The following PDCD6IP variants were observed in gnomAD, a reference collection of about 807,000 sequenced individuals.
The protein encoded by PDCD6IP is programmed cell death 6 interacting protein.
PDCD6IP carries 43 observed loss-of-function variants against 103.7 expected under a neutral mutation model. That is an observed-to-expected ratio of 0.41 (90% CI 0.32 to 0.53). The LOEUF is 0.53. Among genes scored for constraint, PDCD6IP ranks in the 20% least tolerant of loss-of-function variants. PDCD6IP has a pLI of 0.16. For synonymous variants in PDCD6IP, 354 were observed against 378.7 expected (o/e 0.93, Z 0.76); for missense variants, 871 against 1,036.7 (o/e 0.84, Z 2.20).
At chr3:33,862,647 G>A (rs1314901206) in intron 15 of PDCD6IP, among the ~76,000 whole-genome samples, 2 of 152,006 alleles carry the variant, frequency 1.3e-5, no homozygotes, top group Non-Finnish European at 2.9e-5. Context: ...ATATTTCAAC[G>A]CCACATTTCT....
chr3:33,831,015 G>C (rs1008786146), intron 7 of PDCD6IP, among the ~76,000 whole-genome samples: 23 of 152,076 alleles, frequency 1.5e-4, no homozygotes, highest in Non-Finnish European at 2.5e-4. Flanking sequence ...ATCACAATCA[G>C]GAAAATCAAA....
At chr3:33,801,134 T>C (rs936858119) in intron 1 of PDCD6IP, among the ~76,000 whole-genome samples, 2 of 152,220 alleles carry the variant, frequency 1.3e-5, no homozygotes, top group African/African-American at 2.4e-5. Context: ...CTTGGAGATA[T>C]TACTAAAGTT....
Position 33,866,342 on chromosome 3 carries a change from T to TCC in PDCD6IP, c.2433-9_2433-8insCC. On this transcript the variant is annotated splice_polypyrimidine_tract_variant and intron_variant, in intron 17 of 17. Coordinates refer to ENST00000307296, the MANE Select transcript of PDCD6IP (RefSeq NM_013374.6). ...TACCAATCAAGATTTTTCTGTTTTC[T>TCC]TCTATCAGGTATTGCCAAATGCCCA... 8.1e-7 allele frequency: 1 copy of TCC among 1,237,910 alleles called. No individual in the cohort carries two copies. The highest frequency in any genetic ancestry group is 1.1e-6 in the Non-Finnish European group (1 of 933,236). 76.7% of individuals were successfully genotyped at this position (1,237,910 alleles called of 1,614,324 possible).
chr3:33,834,701 T>G (rs1393108178), intron 7 of PDCD6IP, among the ~76,000 whole-genome samples: 1 of 152,218 alleles, frequency 6.6e-6, no homozygotes, highest in Non-Finnish European at 1.5e-5. Flanking sequence ...TATAAGTAGA[T>G]TTTCTAGTAT....
At chr3:33,822,780 T>C (rs1450095284) in intron 4 of PDCD6IP, among the ~76,000 whole-genome samples, 17 of 152,096 alleles carry the variant, frequency 1.1e-4, no homozygotes, top group Admixed American at 1.1e-3. Context: ...CTCAGCCTCC[T>C]GAATAGCTAG....
rs532189386 is a variant in PDCD6IP, at chr3:33,818,938, T to G, written c.335-3017T>G. Among the ~76,000 whole-genome samples the G allele has an allele frequency of 3.3e-5, 5 of 152,320 alleles. No homozygotes were observed. In the East Asian group the frequency reaches 7.7e-4, roughly 23 times the overall value. On this transcript the variant is annotated intron_variant, in intron 3 of 17. Coordinates refer to ENST00000307296, the MANE Select transcript of PDCD6IP (RefSeq NM_013374.6). Reference sequence around the variant, plus strand: ...CAGTCTTCTCTTTATCTTTCATGTTTAGAAATCTCAAAAGACTTAATGGGA... The same window carrying G: ...CAGTCTTCTCTTTATCTTTCATGTTGAGAAATCTCAAAAGACTTAATGGGA...
rs147408146 is a variant in PDCD6IP, at chr3:33,865,450, T to C, written c.2432+20T>C. The C allele has an allele frequency of 1.9e-3, 2,930 of 1,560,514 alleles. 54 individuals carry two copies. In the African/African-American group the frequency reaches 0.036, roughly 19 times the overall value. On this transcript the variant is annotated intron_variant, in intron 17 of 17. Transcript: ENST00000307296. ...TCCTGGGTAAGGCTGCAACATTGTG[T>C]ATCCCAAGTTGGCTAATGTTGTTTC...
At chr3:33,857,602 G>A (rs141479093) in intron 15 of PDCD6IP, among the ~76,000 whole-genome samples, 1,574 of 152,216 alleles carry the variant, frequency 0.01, 17 homozygotes, top group Non-Finnish European at 0.016. Flanking sequence ...TCACCAGGAC[G>A]TTAAAAAATA....
chr3:33,800,127 A>T (rs1241105819), intron 1 of PDCD6IP, among the ~76,000 whole-genome samples: 2 of 145,976 alleles, frequency 1.4e-5, no homozygotes, highest in African/African-American at 2.5e-5. Flanking sequence ...CTCAAAAAAA[A>T]AAAAAAAAAA....
intron 1 of PDCD6IP, among the ~76,000 whole-genome samples, chr3:33,809,905 C>G (rs4129358): frequency 6.6e-6 from 1 of 152,110 alleles, no homozygotes; most frequent in Non-Finnish European, 1.5e-5. Flanking sequence ...GGAGTACCAG[C>G]GAAGTGATGC....
chr3:33,816,524 A>G (rs1696856578), intron 3 of PDCD6IP, among the ~76,000 whole-genome samples: 1 of 151,530 alleles, frequency 6.6e-6, no homozygotes, highest in African/African-American at 2.4e-5. Flanking sequence ...AAAAAAAAAA[A>G]AAAAGAAAAT....
At chr3:33,835,365 A>G in intron 7 of PDCD6IP, 2 of 451,676 alleles carry the variant, frequency 4.4e-6, no homozygotes, top group East Asian at 7.0e-5. Flanking sequence ...CCCTTGTTTC[A>G]GTTCTCCATG....
chr3:33,835,863 GT>G (rs2125562574), intron 7 of PDCD6IP, among the ~76,000 whole-genome samples, 180 bp from the exon 8 acceptor site: 1 of 152,274 alleles, frequency 6.6e-6, no homozygotes, highest in African/African-American at 2.4e-5. Context: ...TTATCCTTCA[GT>G]TTTCGGGTAT....
chr3:33,836,817 C>T (rs1204705253), intron 8 of PDCD6IP, among the ~76,000 whole-genome samples: 2 of 151,486 alleles, frequency 1.3e-5, no homozygotes, highest in African/African-American at 4.9e-5. Flanking sequence ...TGAGACCGTG[C>T]CACCATACTC....
chr3:33,840,753 T>C (rs11926312), intron 9 of PDCD6IP, among the ~76,000 whole-genome samples: 20,880 of 152,178 alleles, frequency 0.14, 1,866 homozygotes, highest in East Asian at 0.39. Context: ...CTGTAATGAA[T>C]ACTTAGATCA....
intron 12 of PDCD6IP, among the ~76,000 whole-genome samples, chr3:33,848,530 G>A (rs1559792967): frequency 6.6e-6 from 1 of 151,858 alleles, no homozygotes; most frequent in Admixed American, 6.6e-5. Flanking sequence ...TCAGCCTCCC[G>A]AGTAGCTGGG....
intron 8 of PDCD6IP, among the ~76,000 whole-genome samples, chr3:33,837,787 C>T (rs1697383459): frequency 6.6e-6 from 1 of 152,080 alleles, no homozygotes; most frequent in Admixed American, 6.5e-5. Flanking sequence ...GGGGTTTTGC[C>T]AAGTTGGCCA....
chr3:33,859,675 A>G (rs1174278146), intron 15 of PDCD6IP, among the ~76,000 whole-genome samples: 1 of 152,224 alleles, frequency 6.6e-6, no homozygotes, highest in African/African-American at 2.4e-5. Context: ...GTTTGATAAT[A>G]TGCTTTGTTG....
Position 33,866,824 on chromosome 3 carries a change from A to G in PDCD6IP, c.*299A>G. On this transcript the variant is annotated 3_prime_UTR_variant, in exon 18 of 18. Transcript: ENST00000307296. Reference sequence around the variant, plus strand: ...CAAGTGAAACATTTGAAACGATTATACTTTCTACATAAGACATGGTTGGGA... The same window carrying G: ...CAAGTGAAACATTTGAAACGATTATGCTTTCTACATAAGACATGGTTGGGA... 4.0e-6 allele frequency: 1 copy of G among 250,510 alleles called. No individual in the cohort carries two copies. Among genetic ancestry groups the G allele is most frequent in the Non-Finnish European group, 7.5e-6 (1 of 132,854 alleles). 15.5% of individuals were successfully genotyped at this position (250,510 alleles called of 1,614,324 possible). A position where few individuals can be genotyped will look rare whatever the true frequency, so the allele number is the denominator to read the frequency against.
Sources: allele counts gnomAD v4.1 joint callset (sites outside exome capture counted in the v4.1 genomes callset), GRCh38; gene constraint gnomAD v4.1.1; transcripts MANE v1.5; gene names NCBI Gene and HGNC (gene_info 2026-07-23, HGNC 2026-07-21).